Variants in DGKB observed in about 807,000 individuals in gnomAD.
The protein encoded by DGKB is diacylglycerol kinase beta, also known as 90 kDa diacylglycerol kinase.
In DGKB, 67 loss-of-function variants were observed where a neutral mutation model predicts 114.3. The observed-to-expected ratio is 0.59, with a 90% CI of 0.48 to 0.72. The LOEUF is 0.72. Ranked by LOEUF, DGKB falls within the 30% of genes least tolerant of loss-of-function variation. The pLI is 0.00. For missense variants in DGKB, 907 were observed against 975.2 expected, an observed-to-expected ratio of 0.93 and a Z score of 0.93; for synonymous variants, 398 against 323.1, an observed-to-expected ratio of 1.23 and a Z score of -2.49.
chr7:14,552,373 T>C (rs1795220461), intron 20 of DGKB, among the ~76,000 whole-genome samples: 1 of 152,220 alleles, frequency 6.6e-6, no homozygotes, highest in African/African-American at 2.4e-5. Context: ...ATATTTTAGA[T>C]TTTTATACTA....
chr7:14,425,927 T>C (rs983826651), intron 21 of DGKB, among the ~76,000 whole-genome samples: 1 of 152,082 alleles, frequency 6.6e-6, no homozygotes, highest in African/African-American at 2.4e-5. Context: ...TCAAACAAAA[T>C]AACAATATTT....
chr7:14,613,393 A>C lies in DGKB; in HGVS notation c.1305T>G (p.Thr435=), dbSNP rs368441912. The part of the protein sequence containing the change: ...QGLQVTPVPG[T]HPLLVFVNPK... The stretch of plus-strand genomic sequence containing the variant: ...GGTTCACAAAAACTAAAAGTGGGTG[A>C]GTACCAGGCACAGGAGTGACCTATA... The change falls in exon 16 of 26, where the codon ACT becomes ACG. Residue 435 remains threonine, a synonymous_variant. Coordinates refer to ENST00000402815, the MANE Select transcript of DGKB (RefSeq NM_001350709.2). The C allele has an allele frequency of 1.1e-5, 17 of 1,567,342 alleles. No individual in the cohort carries two copies. The highest frequency in any genetic ancestry group is 1.5e-5 in the Non-Finnish European group (17 of 1,153,800).
At chr7:14,902,067 A>G (rs1030822179) in intron 1 of DGKB, among the ~76,000 whole-genome samples, 2 of 152,144 alleles carry the variant, frequency 1.3e-5, no homozygotes, top group African/African-American at 4.8e-5. Context: ...AGTGTGGCCT[A>G]GGCTGTTGCC....
chr7:14,687,835 T>C (rs1164693187), intron 9 of DGKB, among the ~76,000 whole-genome samples: 3 of 152,214 alleles, frequency 2.0e-5, no homozygotes, highest in Non-Finnish European at 4.4e-5. Context: ...TAGCTGGCAT[T>C]TTCCTTATCA....
At chr7:14,403,511 C>G (rs74826648) in intron 21 of DGKB, among the ~76,000 whole-genome samples, 89 of 53,494 alleles carry the variant, frequency 1.7e-3, no homozygotes, top group African/African-American at 3.6e-3. Flanking sequence ...TTTGGGGAAC[C>G]ATTTTCCATT....
chr7:14,377,038 AC>A (rs1456489888), intron 21 of DGKB, among the ~76,000 whole-genome samples: 2 of 152,158 alleles, frequency 1.3e-5, no homozygotes, highest in Non-Finnish European at 2.9e-5. Flanking sequence ...TCTGCATTTT[AC>A]ATATTTAAGT....
chr7:14,474,308 C>A (rs1781850406), intron 21 of DGKB, among the ~76,000 whole-genome samples: 2 of 152,162 alleles, frequency 1.3e-5, no homozygotes, highest in South Asian at 4.1e-4. Flanking sequence ...CTGCTGCCAT[C>A]CACATAAGAT....
chr7:14,720,511 G>A (rs1828988656), intron 5 of DGKB, among the ~76,000 whole-genome samples: 1 of 120,560 alleles, frequency 8.3e-6, no homozygotes, highest in Non-Finnish European at 1.9e-5. Flanking sequence ...GTGTGTGTGT[G>A]TGTGTGTATG....
intron 17 of DGKB, among the ~76,000 whole-genome samples, chr7:14,598,326 T>C (rs1802943993): frequency 1.3e-5 from 2 of 152,190 alleles, no homozygotes; most frequent in African/African-American, 4.8e-5. Flanking sequence ...ATAATACACA[T>C]AAAGAAACTT....
intron 23 of DGKB, among the ~76,000 whole-genome samples, chr7:14,323,112 G>A (rs1431865345): frequency 6.6e-6 from 1 of 152,030 alleles, no homozygotes; most frequent in Non-Finnish European, 1.5e-5. Flanking sequence ...ATTAGTAATA[G>A]CTTCCCACTG....
chr7:14,190,066 A>G (rs1784079666), intron 23 of DGKB, among the ~76,000 whole-genome samples: 2 of 152,192 alleles, frequency 1.3e-5, no homozygotes, highest in Admixed American at 6.5e-5. Context: ...AGACATTTAC[A>G]GAACATTTCA....
intron 2 of DGKB, among the ~76,000 whole-genome samples, chr7:14,777,528 T>C (rs1242020320): frequency 2.0e-5 from 3 of 152,148 alleles, no homozygotes; most frequent in South Asian, 2.1e-4. Flanking sequence ...AAAGATCTGA[T>C]GGTTTAATAA....
intron 13 of DGKB, among the ~76,000 whole-genome samples, chr7:14,642,934 T>C (rs781259954): frequency 2.6e-5 from 4 of 152,210 alleles, no homozygotes; most frequent in African/African-American, 4.8e-5. Flanking sequence ...TTGTAATCTC[T>C]CTTTGGATAA....
chr7:14,706,331 C>G (rs1282511079), intron 6 of DGKB, among the ~76,000 whole-genome samples: 1 of 140,956 alleles, frequency 7.1e-6, no homozygotes, highest in East Asian at 2.1e-4. Context: ...CCTGAGTGAC[C>G]TACAAAGAGA....
intron 1 of DGKB, among the ~76,000 whole-genome samples, chr7:14,962,391 C>A (rs773731731): frequency 1.3e-4 from 20 of 151,882 alleles, no homozygotes; most frequent in Non-Finnish European, 2.8e-4. Flanking sequence ...ATTGTGTTGC[C>A]TTTTTTAAAG....
chr7:14,909,512 A>T (rs1055864742), intron 1 of DGKB, among the ~76,000 whole-genome samples: 4 of 152,224 alleles, frequency 2.6e-5, no homozygotes, highest in Non-Finnish European at 4.4e-5. Context: ...TTGAAAAAAA[A>T]ATGTTTTTCA....
rs113964789 is a variant in DGKB, at chr7:14,922,793, T to C, written c.-188+51903A>G. ...TGTTATGTTTTGAGCTCTGTGTAAATTGAAGATACATTGAGTCAAGCTAAA... is the reference window on the plus strand; with the variant it reads ...TGTTATGTTTTGAGCTCTGTGTAAACTGAAGATACATTGAGTCAAGCTAAA... On this transcript the variant is annotated intron_variant, in intron 1 of 4. Transcript: ENST00000437998. Among the ~76,000 whole-genome samples the C allele has an allele frequency of 6.3e-3, 965 of 152,284 alleles. 13 individuals are homozygous for C. The highest frequency in any genetic ancestry group is 0.022 in the African/African-American group (895 of 41,564).
intron 25 of DGKB, among the ~76,000 whole-genome samples, chr7:14,164,364 ATAT>A (rs1456608454): frequency 1.3e-5 from 2 of 152,186 alleles, no homozygotes; most frequent in African/African-American, 4.8e-5. Flanking sequence ...CTAGAAAATA[ATAT>A]TATTTTCACA....
At chr7:14,580,399 G>T (rs2128722389) in intron 19 of DGKB, among the ~76,000 whole-genome samples, 1 of 152,282 alleles carries the variant, frequency 6.6e-6, no homozygotes, top group Non-Finnish European at 1.5e-5. Flanking sequence ...TATCCAAAGT[G>T]CAGAGCACAG....
Sources: gnomAD v4.1 joint callset for allele counts (sites outside exome capture counted in the v4.1 genomes callset) on GRCh38, gnomAD v4.1.1 for gene constraint, MANE v1.5 for transcripts, NCBI Gene and HGNC (gene_info 2026-07-23, HGNC 2026-07-21) for gene names.